ZNF658: variants seen among roughly 807,000 people sequenced by gnomAD.
ZNF658 encodes zinc finger protein 658.
Under a neutral mutation model 78.0 loss-of-function variants are expected in ZNF658, and 46 were observed. The observed-to-expected ratio is 0.59, with a 90% CI of 0.47 to 0.75. The LOEUF is 0.75. ZNF658 is among the 30% of genes least tolerant of loss of function. The pLI, the probability that ZNF658 is intolerant of heterozygous loss-of-function variation, is 0.00. For synonymous variants in ZNF658, 279 were observed against 408.4 expected, an observed-to-expected ratio of 0.68 and a Z score of 3.82; for missense variants, 785 against 1,189.3, an observed-to-expected ratio of 0.66 and a Z score of 5.00.
At chr9:66,925,226 A>AAT (rs993796933), downstream of ZNF658, among the ~76,000 whole-genome samples, 7 of 147,710 alleles carry the variant, frequency 4.7e-5, no homozygotes, top group Admixed American at 4.8e-4. Context: ...AACTAGAGAC[A>AAT]ATATCTCTCA....
intron 2 of ZNF658, among the ~76,000 whole-genome samples, chr9:66,905,935 G>T (rs1235094864): frequency 6.7e-6 from 1 of 148,940 alleles, no homozygotes; most frequent in African/African-American, 2.5e-5. Context: ...GGTCTTACTT[G>T]TTGTTTCTTT....
At position 66,919,373 on chromosome 9, in the gene ZNF658, GA is replaced by G. The variant is rs1822439181; in HGVS notation, c.1809del (p.Glu603AspfsTer71). ...AATTCACACAGGTGAGAAGCCCTATGAATGCAGTGACTGTGAGAAAACTTTT... is the reference window on the plus strand; with the variant it reads ...AATTCACACAGGTGAGAAGCCCTATGATGCAGTGACTGTGAGAAAACTTTT... ...QRIHTGEKPY[E>X]CSDCEKTFAH... is the part of the protein sequence containing the mutation. On this transcript the variant is annotated frameshift_variant, in exon 5 of 5. Coordinates refer to ENST00000621410, the MANE Select transcript of ZNF658 (RefSeq NM_033160.7). LOFTEE classifies it high-confidence loss of function. 1 of 1,519,416 alleles carries G rather than the reference GA, an allele frequency of 6.6e-7. No individual in the cohort carries two copies. The highest frequency in any genetic ancestry group is 8.9e-7 in the Non-Finnish European group (1 of 1,126,130). The allele number at this position is 1,519,416 out of a possible 1,614,324, so 94.1% of individuals were successfully genotyped here. A position where few individuals can be genotyped will look rare whatever the true frequency, so the allele number is the denominator to read the frequency against.
At chr9:66,905,689 GT>G (rs1318205429) in intron 2 of ZNF658, among the ~76,000 whole-genome samples, 19 of 134,220 alleles carry the variant, frequency 1.4e-4, no homozygotes, top group African/African-American at 4.3e-4. Context: ...ATTTGTTTTA[GT>G]TTTGTACTTT....
chr9:66,908,797 T>A (rs1168901827), intron 4 of ZNF658, 63 bp downstream of exon 4: 2 of 1,392,030 alleles, frequency 1.4e-6, no homozygotes, highest in African/African-American at 2.9e-5. Flanking sequence ...GAGAGCACCT[T>A]TGAAAGTTTT....
Position 66,915,226 on chromosome 9 carries a change from C to T in ZNF658, c.239-2579C>T, listed in dbSNP as rs868551477. ...ATAATGAAGTAAGTTAATATGTTGT[C>T]GTAAATATCCTTTTCACTGACAGCT... On this transcript the variant is annotated intron_variant, in intron 4 of 4. Coordinates refer to ENST00000621410, the MANE Select transcript of ZNF658 (RefSeq NM_033160.7). Among the ~76,000 whole-genome samples, 82 of 152,062 alleles carry T rather than the reference C, an allele frequency of 5.4e-4. 2 individuals are homozygous for T. Among genetic ancestry groups the T allele is most frequent in the African/African-American group, 1.6e-3 (68 of 41,480 alleles).
rs771342484 is a variant in ZNF658, at chr9:66,918,625, T to C, written c.1059T>C (p.Gly353=). The change falls in exon 5 of 5, where the codon GGT becomes GGC. Residue 353 remains glycine, a synonymous_variant. Transcript: ENST00000621410. ...AAACACAAGCTGGAGATAAATTTGG[T>C]GAACATAATGAATGTACAGATGCCC... ...HQKTQAGDKF[G]EHNECTDALY... is the part of the protein sequence containing the mutation. 7.4e-6 allele frequency: 12 copies of C among 1,611,190 alleles called. No homozygotes were observed. The South Asian group carries it at 1.3e-4, about 18-fold the overall frequency.
intron 6 of ZNF658, among the ~76,000 whole-genome samples, chr9:66,929,586 A>C (rs934140350): frequency 3.3e-5 from 5 of 151,900 alleles, no homozygotes; most frequent in Non-Finnish European, 7.4e-5. Flanking sequence ...AAGATAGTTT[A>C]GATTTGAGTC....
At chr9:66,901,156 A>G (rs1408863355) in intron 1 of ZNF658, 3 of 152,122 alleles carry the variant, frequency 2.0e-5, no homozygotes, top group Non-Finnish European at 4.4e-5. Context: ...AGTGTCTGTA[A>G]TAGTCACTAT....
At chr9:66,912,942 G>A (rs1321975938) in intron 4 of ZNF658, among the ~76,000 whole-genome samples, 1 of 152,044 alleles carries the variant, frequency 6.6e-6, no homozygotes, top group Admixed American at 6.6e-5. Context: ...CAGCTGCTTG[G>A]GAGGCTGAGG....
At position 66,918,713 on chromosome 9, in the gene ZNF658, T is replaced by A. The variant is rs1286187361; in HGVS notation, c.1147T>A (p.Ser383Thr). 6.2e-7 allele frequency: 1 copy of A among 1,613,836 alleles called. No homozygotes were observed. The highest frequency in any genetic ancestry group is 1.3e-5 in the African/African-American group (1 of 74,920). ...RIHTEDKFYL[S>T]DEHGKCRKSF... ...TCACACAGAAGATAAATTCTACCTT[T>A]CTGATGAACATGGGAAATGCAGAAA... Residue 383 changes from serine (S) to threonine (T), a missense_variant, in exon 5 of 5, where the codon TCT becomes ACT. Transcript: ENST00000621410.
chr9:66,904,757 C>T (rs1221500168), intron 2 of ZNF658, among the ~76,000 whole-genome samples: 1 of 152,154 alleles, frequency 6.6e-6, no homozygotes, highest in Non-Finnish European at 1.5e-5. Flanking sequence ...TTTGCTGAAC[C>T]ATTCCCTTTA....
intron 4 of ZNF658, among the ~76,000 whole-genome samples, chr9:66,909,161 G>A (rs961523100): frequency 6.6e-6 from 1 of 151,878 alleles, no homozygotes; most frequent in Non-Finnish European, 1.5e-5. Flanking sequence ...AATTCCCCAT[G>A]GATACCAGGG....
At chr9:66,902,225 G>T (rs1175073920) in intron 1 of ZNF658, among the ~76,000 whole-genome samples, 1 of 146,352 alleles carries the variant, frequency 6.8e-6, no homozygotes, top group Non-Finnish European at 1.5e-5. Context: ...GAGCAAAGCA[G>T]CTCCTATGAG....
intron 4 of ZNF658, among the ~76,000 whole-genome samples, chr9:66,913,417 G>C (rs544426548): frequency 2.2e-3 from 320 of 144,778 alleles, no homozygotes; most frequent in African/African-American, 8.3e-3. Flanking sequence ...GAGAGAAACT[G>C]TCTCAAAAGG....
intron 6 of ZNF658, among the ~76,000 whole-genome samples, chr9:66,930,478 C>A (rs1298459922): frequency 6.8e-6 from 1 of 148,082 alleles, no homozygotes; most frequent in African/African-American, 2.5e-5. Context: ...AAGTTTCTAA[C>A]TCCTAGGGGT....
rs770880133 is a variant in ZNF658 at position 66,920,094 on chromosome 9, C to T, written c.2528C>T (p.Ala843Val). Residue 843 changes from alanine (A) to valine (V), a missense_variant, in exon 5 of 5, where the codon GCA becomes GTA. Physicochemically the swap from Ala to Val is moderately conservative, Grantham distance 64. Transcript: ENST00000621410. The stretch of plus-strand genomic sequence containing the variant: ...TTCTCCCAAAGAACACACCTCTGTG[C>T]ACATCAGAGAATTCATACTGGGGAA... ...KTFSQRTHLC[A>V]HQRIHTGEKP... The T allele has an allele frequency of 3.1e-6, 5 of 1,612,602 alleles. No homozygotes were observed. The South Asian group carries it at 3.3e-5, about 11-fold the overall frequency.
In ZNF658 at chr9:66,908,289, C is replaced by A. The variant is rs767100484; in HGVS notation, c.67C>A (p.Gln23Lys). 3 of 1,613,976 alleles carry A rather than the reference C, an allele frequency of 1.9e-6. No individual in the cohort carries two copies. The East Asian group carries it at 6.7e-5, about 36-fold the overall frequency. The part of the protein sequence containing the change: ...VTVEFTREEW[Q>K]HLGPVERTLY... ...TGTGGAATTCACCCGGGAGGAGTGG[C>A]AGCACCTGGGCCCTGTCGAGAGGAC... Residue 23 changes from glutamine (Q) to lysine (K), a missense_variant, in exon 3 of 5, where the codon CAG becomes AAG. This residue lies in a region of ZNF658 where 79 missense variants were observed against 96.5 expected (regional missense o/e 0.82). Coordinates refer to ENST00000621410, the MANE Select transcript of ZNF658 (RefSeq NM_033160.7).
Position 66,910,985 on chromosome 9 carries a change from A to G in ZNF658, c.238+2251A>G, listed in dbSNP as rs573989451. 1.3e-3 allele frequency among the ~76,000 whole-genome samples: 195 copies of G among 151,554 alleles called. 1 individual carries two copies. The highest frequency in any genetic ancestry group is 4.5e-3 in the African/African-American group (186 of 41,272). On this transcript the variant is annotated intron_variant, in intron 4 of 4. Coordinates refer to ENST00000621410, the MANE Select transcript of ZNF658 (RefSeq NM_033160.7). ...GATTTGAATGACTGCACCAAATAAT[A>G]TAATATCAATGTTTCTAAAACATAA... is the stretch of plus-strand genomic sequence containing the variant.
chr9:66,926,682 A>AT (rs1008581880), intron 6 of ZNF658, among the ~76,000 whole-genome samples: 1 of 137,190 alleles, frequency 7.3e-6, no homozygotes, highest in African/African-American at 2.7e-5. Context: ...TCCTAATAGC[A>AT]TTTTTACAGA....
Sources: gnomAD v4.1 joint callset for allele counts (sites outside exome capture counted in the v4.1 genomes callset) on GRCh38, gnomAD v4.1.1 for gene constraint, gnomAD v4.1.1 regional missense constraint, MANE v1.5 for transcripts, NCBI Gene and HGNC (gene_info 2026-07-23, HGNC 2026-07-21) for gene names.